CIB4: variants seen among roughly 807,000 people sequenced by gnomAD.
CIB4 encodes the protein calcium and integrin binding family member 4, also known as calcium and integrin-binding family member 4.
A neutral mutation model predicts 25.8 loss-of-function variants in CIB4; 25 were observed. The ratio of observed to expected loss-of-function variants is 0.97; its 90% confidence interval spans 0.71 to 1.35. The LOEUF (loss-of-function observed/expected upper bound fraction) is 1.35. CIB4 is among the 40% of genes most tolerant of loss of function. The pLI is 0.00. For missense variants in CIB4, 235 were observed against 228.2 expected, an observed-to-expected ratio of 1.03 and a Z score of -0.19; for synonymous variants, 75 against 81.4, an observed-to-expected ratio of 0.92 and a Z score of 0.42.
chr2:26,629,333 A>G, intron 3 of CIB4, 77 bp downstream of exon 3: 1 of 737,404 alleles, frequency 1.4e-6, no homozygotes, highest in Admixed American at 2.1e-5. Context: ...ACCTCACCCC[A>G]CCCCTCCCAG....
rs1558555091 is a variant in CIB4 at position 26,589,101 on chromosome 2, CTTCTTCCTCTTCTTCTTCT to C, written c.329-5222_329-5204del. On this transcript the variant is annotated intron_variant, in intron 4 of 6. Coordinates refer to ENST00000288861, the MANE Select transcript of CIB4 (RefSeq NM_001029881.3). The stretch of plus-strand genomic sequence containing the variant: ...TCTTCTTCTTCTTCTTCTTCTTCTT[CTTCTTCCTCTTCTTCTTCT>C]TCTTCTTCTTCTTCTTCTTCTCCTT... Among the ~76,000 whole-genome samples the C allele has an allele frequency of 6.1e-4, 71 of 117,146 alleles. 5 individuals are homozygous for C. Among genetic ancestry groups the C allele is most frequent in the African/African-American group, 2.9e-3 (70 of 24,244 alleles). 76.9% of individuals were successfully genotyped at this position (117,146 alleles called of 152,430 possible). A position where few individuals can be genotyped will look rare whatever the true frequency, so the allele number is the denominator to read the frequency against.
chr2:26,581,850 CT>C (rs1668351906), intron 6 of CIB4, among the ~76,000 whole-genome samples: 1 of 152,212 alleles, frequency 6.6e-6, no homozygotes, highest in Non-Finnish European at 1.5e-5. Context: ...GGGAGGACCC[CT>C]GACCATGGCC....
At chr2:26,632,635 A>C (rs1669443254) in intron 2 of CIB4, among the ~76,000 whole-genome samples, 1 of 152,040 alleles carries the variant, frequency 6.6e-6, no homozygotes, top group Non-Finnish European at 1.5e-5. Context: ...GCGCGCATCC[A>C]TAATCCTAGC....
chr2:26,625,238 A>G (rs1037775814), intron 3 of CIB4, among the ~76,000 whole-genome samples: 1 of 152,138 alleles, frequency 6.6e-6, no homozygotes, highest in Non-Finnish European at 1.5e-5. Flanking sequence ...CCCTCTGTGC[A>G]TAGCGCTGGC....
intron 3 of CIB4, among the ~76,000 whole-genome samples, chr2:26,612,969 C>A (rs1669024729): frequency 6.6e-6 from 1 of 152,104 alleles, no homozygotes; most frequent in Non-Finnish European, 1.5e-5. Flanking sequence ...CCCCTAGATG[C>A]TGGGTGGGTC....
chr2:26,599,666 AT>A (rs1256664217), intron 3 of CIB4, among the ~76,000 whole-genome samples: 1 of 151,940 alleles, frequency 6.6e-6, no homozygotes, highest in Non-Finnish European at 1.5e-5. Flanking sequence ...TCATCTCTAA[AT>A]TTTCTTAATT....
chr2:26,619,959 C>T (rs553783128), intron 3 of CIB4, among the ~76,000 whole-genome samples: 26 of 146,596 alleles, frequency 1.8e-4, no homozygotes, highest in Admixed American at 1.4e-3. Flanking sequence ...GGAAGCAGGA[C>T]CTGAAGCCCA....
At chr2:26,638,908 C>T (rs1443312759) in intron 2 of CIB4, among the ~76,000 whole-genome samples, 1 of 151,612 alleles carries the variant, frequency 6.6e-6, no homozygotes, top group African/African-American at 2.4e-5. Flanking sequence ...GCCAAGATTG[C>T]ACCACTGCAC....
rs1668562069 is a variant in CIB4, at chr2:26,590,272, A to AAC, written c.328+4903_328+4904insGT. 2.0e-5 allele frequency among the ~76,000 whole-genome samples: 3 copies of AAC among 151,226 alleles called. 1 individual carries two copies. Among genetic ancestry groups the AAC allele is most frequent in the East Asian group, 3.9e-4 (2 of 5,164 alleles). On this transcript the variant is annotated intron_variant, in intron 4 of 6. Coordinates refer to ENST00000288861, the MANE Select transcript of CIB4 (RefSeq NM_001029881.3). Reference sequence around the variant, plus strand: ...CCAAGCATCTGTAAAAAAAAAAAAAAAAAAAAAAAAAACTCACAGGTGATT... The same window carrying AAC: ...CCAAGCATCTGTAAAAAAAAAAAAAAACAAAAAAAAAAAACTCACAGGTGATT...
intron 4 of CIB4, among the ~76,000 whole-genome samples, chr2:26,589,066 C>CTTCTTCTTCTTCT (rs1668523432): frequency 2.2e-5 from 1 of 46,304 alleles, no homozygotes; most frequent in Non-Finnish European, 4.6e-5. Flanking sequence ...CTTCCTCTTC[C>CTTCTTCTTCTTCT]TCTTCCTCTT....
intron 2 of CIB4, among the ~76,000 whole-genome samples, chr2:26,632,499 G>A (rs934761237): frequency 2.6e-5 from 4 of 152,180 alleles, no homozygotes; most frequent in Non-Finnish European, 5.9e-5. Flanking sequence ...GCTCCTGCCT[G>A]TAATCCCAGC....
intron 4 of CIB4, among the ~76,000 whole-genome samples, chr2:26,585,214 G>A (rs558754999): frequency 1.8e-4 from 28 of 152,086 alleles, no homozygotes; most frequent in Admixed American, 3.3e-4. Context: ...GGCCACCAGC[G>A]GGCAGAGACC....
At chr2:26,600,429 TAAAG>T (rs896918036) in intron 3 of CIB4, among the ~76,000 whole-genome samples, 10 of 152,112 alleles carry the variant, frequency 6.6e-5, no homozygotes, top group African/African-American at 1.9e-4. Flanking sequence ...AATAAACAAA[TAAAG>T]AAATAAAATG....
chr2:26,609,962 G>A (rs775728304), intron 3 of CIB4, among the ~76,000 whole-genome samples: 3 of 152,212 alleles, frequency 2.0e-5, no homozygotes, highest in Admixed American at 6.5e-5. Context: ...CTCAAGGGCA[G>A]ACCAGGCAGC....
chr2:26,630,005 C>A (rs1669386113), intron 2 of CIB4, among the ~76,000 whole-genome samples: 1 of 152,222 alleles, frequency 6.6e-6, no homozygotes, highest in Non-Finnish European at 1.5e-5. Context: ...CGGCTGCCTG[C>A]AGCCAGCAAA....
At chr2:26,636,958 G>A (rs576289192) in intron 2 of CIB4, among the ~76,000 whole-genome samples, 17 of 152,208 alleles carry the variant, frequency 1.1e-4, no homozygotes, top group South Asian at 2.1e-4. Flanking sequence ...TGTGTAGGCC[G>A]TTTTTTATTC....
chr2:26,632,479 G>A (rs1179748305), intron 2 of CIB4, among the ~76,000 whole-genome samples: 2 of 152,170 alleles, frequency 1.3e-5, no homozygotes, highest in African/African-American at 2.4e-5. Context: ...GGGGTAGGCC[G>A]GGTGCAGTGG....
At chr2:26,585,851 G>T (rs1362452226) in intron 4 of CIB4, among the ~76,000 whole-genome samples, 2 of 151,814 alleles carry the variant, frequency 1.3e-5, no homozygotes, top group African/African-American at 4.8e-5. Context: ...CCAAGCCCAG[G>T]CTCCTCATGC....
chr2:26,629,607 T>C, intron 2 of CIB4, 101 bp from the exon 3 acceptor site: 1 of 755,876 alleles, frequency 1.3e-6, no homozygotes, highest in South Asian at 1.5e-5. Context: ...CTGCAAGGGG[T>C]GGGGGTGTCT....
Sources: allele counts gnomAD v4.1 joint callset (sites outside exome capture counted in the v4.1 genomes callset), GRCh38; gene constraint gnomAD v4.1.1; transcripts MANE v1.5; gene names NCBI Gene and HGNC (gene_info 2026-07-23, HGNC 2026-07-21).